The following TJP1 variants were observed in gnomAD, a reference collection of about 807,000 sequenced individuals.
TJP1 encodes the protein tight junction protein 1, also known as tight junction protein ZO-1.
TJP1 carries 43 observed loss-of-function variants against 194.2 expected under a neutral mutation model. The ratio of observed to expected loss-of-function variants is 0.22; its 90% CI spans 0.17 to 0.29. The LOEUF (loss-of-function observed/expected upper bound fraction) is 0.29, where lower values mean the gene tolerates loss of function less well. TJP1 is among the 10% of genes least tolerant of loss of function. The probability of loss-of-function intolerance (pLI) is 1.00; values close to 1 mark genes in which losing one functional copy is unlikely to be tolerated. For synonymous variants in TJP1, 801 were observed against 779.0 expected, an observed-to-expected ratio of 1.03 and a Z score of -0.47; for missense variants, 1,971 against 2,185.7, an observed-to-expected ratio of 0.90 and a Z score of 1.96.
At chr15:29,810,488 T>C (rs2049413957) in intron 1 of TJP1, among the ~76,000 whole-genome samples, 1 of 152,176 alleles carries the variant, frequency 6.6e-6, no homozygotes, top group Non-Finnish European at 1.5e-5. Flanking sequence ...CCTTTCAGAA[T>C]AGTAAGAAAA....
At chr15:29,819,802 T>C (rs1596025291) in intron 1 of TJP1, among the ~76,000 whole-genome samples, 2 of 152,244 alleles carry the variant, frequency 1.3e-5, no homozygotes, top group South Asian at 4.1e-4. Flanking sequence ...AAGATTCCAG[T>C]AGCTCACCAA....
At chr15:29,772,278 A>C (rs1039868511) in intron 3 of TJP1, 112 bp from the exon 4 acceptor site, 43 of 613,576 alleles carry the variant, frequency 7.0e-5, no homozygotes, top group African/African-American at 3.3e-4. Flanking sequence ...TGAGCCAATT[A>C]ATTAATTTCT....
chr15:29,955,303 C>T (rs2055894520), intron 2 of TJP1, among the ~76,000 whole-genome samples: 1 of 151,984 alleles, frequency 6.6e-6, no homozygotes, highest in Non-Finnish European at 1.5e-5. Flanking sequence ...ATTAATTTGC[C>T]ATTGAACCTT....
intron 2 of TJP1, among the ~76,000 whole-genome samples, chr15:29,876,519 T>C (rs2052705935): frequency 2.2e-5 from 3 of 139,338 alleles, no homozygotes; most frequent in South Asian, 4.5e-4. Context: ...AGACTCTGTC[T>C]CAAAAAAAAA....
chr15:29,819,801 G>A (rs998855529), intron 1 of TJP1, among the ~76,000 whole-genome samples: 1 of 152,110 alleles, frequency 6.6e-6, no homozygotes, highest in Non-Finnish European at 1.5e-5. Context: ...TAAGATTCCA[G>A]TAGCTCACCA....
intron 2 of TJP1, among the ~76,000 whole-genome samples, chr15:29,837,297 A>G (rs2051067409): frequency 6.6e-6 from 1 of 152,166 alleles, no homozygotes; most frequent in African/African-American, 2.4e-5. Context: ...TATTTTTTTA[A>G]AAAGTCTTCC....
At chr15:29,852,159 T>A (rs2051666839) in intron 2 of TJP1, among the ~76,000 whole-genome samples, 1 of 152,158 alleles carries the variant, frequency 6.6e-6, no homozygotes, top group Admixed American at 6.5e-5. Flanking sequence ...TTTGTTCTGC[T>A]AAAGAGCTGT....
chr15:29,836,422 G>A (rs2051032482), intron 2 of TJP1, among the ~76,000 whole-genome samples: 1 of 151,532 alleles, frequency 6.6e-6, no homozygotes, highest in Admixed American at 6.6e-5. Flanking sequence ...ACAGGCACCC[G>A]CCACCACGCC....
intron 5 of TJP1, among the ~76,000 whole-genome samples, chr15:29,763,146 C>T (rs1383621510): frequency 6.6e-6 from 1 of 152,100 alleles, no homozygotes; most frequent in Non-Finnish European, 1.5e-5. Context: ...AGTTATAATG[C>T]CAATCCTTTC....
Position 29,810,181 on chromosome 15 carries a change from G to C in TJP1, c.28-9479C>G, listed in dbSNP as rs562785683. Reference sequence around the variant, plus strand: ...TGTACTAACAGATGAAAAGATATCTGGCATTTGCTTCAAAATAATGGGGAA... The same window carrying C: ...TGTACTAACAGATGAAAAGATATCTCGCATTTGCTTCAAAATAATGGGGAA... On this transcript the variant is annotated intron_variant, in intron 1 of 27. Coordinates refer to ENST00000614355, the MANE Select transcript of TJP1 (RefSeq NM_001330239.4). 1.3e-4 allele frequency among the ~76,000 whole-genome samples: 20 copies of C among 152,192 alleles called. No homozygotes were observed. In the East Asian group the frequency reaches 3.9e-3, roughly 29 times the overall value.
chr15:29,789,432 C>T (rs927624889), intron 2 of TJP1, among the ~76,000 whole-genome samples: 2 of 152,126 alleles, frequency 1.3e-5, no homozygotes, highest in Admixed American at 1.3e-4. Flanking sequence ...CATGAGGAGG[C>T]AAATTCTGCC....
At chr15:29,715,375 A>C (rs2042500220) in intron 23 of TJP1, among the ~76,000 whole-genome samples, 2 of 152,226 alleles carry the variant, frequency 1.3e-5, no homozygotes, top group African/African-American at 4.8e-5. Flanking sequence ...TTTCTTCTGT[A>C]AACATAAAGC....
intron 2 of TJP1, among the ~76,000 whole-genome samples, chr15:29,870,824 A>C (rs1186508210): frequency 6.6e-6 from 1 of 152,250 alleles, no homozygotes; most frequent in Non-Finnish European, 1.5e-5. Flanking sequence ...TGGACTAGAA[A>C]GACCAATTTT....
intron 8 of TJP1, among the ~76,000 whole-genome samples, chr15:29,751,908 T>C (rs564232319): frequency 6.6e-6 from 1 of 152,262 alleles, no homozygotes; most frequent in African/African-American, 2.4e-5. Flanking sequence ...ATAAACTTTA[T>C]ACTTTTACTT....
intron 15 of TJP1, 98 bp from the exon 16 acceptor site, chr15:29,728,117 AG>A: frequency 1.0e-6 from 1 of 960,640 alleles, no homozygotes. Context: ...CGGACTGGAT[AG>A]TACTTTGTTT....
chr15:29,718,876 T>C lies in TJP1; in HGVS notation c.3266A>G (p.Glu1089Gly). ...TTTGTCATCATAATATGACCACTGTTCTTCATACATGGGGACGCGATCTTC... is the reference window on the plus strand; with the variant it reads ...TTTGTCATCATAATATGACCACTGTCCTTCATACATGGGGACGCGATCTTC... The part of the protein sequence containing the change: ...RYEDRVPMYE[E>G]QWSYYDDKQP... The change falls in exon 21 of 28, where the codon GAA (glutamate) becomes GGA (glycine). Residue 1089 changes from glutamate to glycine, a missense_variant. Glu to Gly is a moderately conservative substitution (Grantham distance 98). This residue lies in a region of TJP1 where 1,108 missense variants were observed against 1,128.5 expected (regional missense o/e 0.98). Transcript: ENST00000614355. The C allele has an allele frequency of 6.2e-7, 1 of 1,614,168 alleles. No individual in the cohort carries two copies.
intron 2 of TJP1, among the ~76,000 whole-genome samples, chr15:29,886,103 A>C (rs1254186128): frequency 1.3e-5 from 2 of 152,254 alleles, no homozygotes; most frequent in Non-Finnish European, 2.9e-5. Flanking sequence ...CAACAGAACC[A>C]AACTGGATGA....
At chr15:29,836,483 G>A (rs2051036039) in intron 2 of TJP1, among the ~76,000 whole-genome samples, 2 of 152,072 alleles carry the variant, frequency 1.3e-5, no homozygotes, top group East Asian at 1.9e-4. Flanking sequence ...GTGTTGGCCA[G>A]GATGGTCTCC....
intron 2 of TJP1, among the ~76,000 whole-genome samples, chr15:29,834,949 A>G (rs575332895): frequency 1.4e-4 from 21 of 152,354 alleles, no homozygotes; most frequent in African/African-American, 4.8e-4. Context: ...CAAAGTGTGG[A>G]CACACATGGC....
Sources: gnomAD v4.1 joint callset for allele counts (sites outside exome capture counted in the v4.1 genomes callset) on GRCh38, gnomAD v4.1.1 for gene constraint, gnomAD v4.1.1 regional missense constraint, MANE v1.5 for transcripts, NCBI Gene and HGNC (gene_info 2026-07-23, HGNC 2026-07-21) for gene names.